Variants in ANKFN1 observed in about 807,000 individuals in gnomAD.
The protein encoded by ANKFN1 is ankyrin repeat and fibronectin type III domain containing 1, also known as ankyrin repeat and fibronectin type-III domain-containing protein 1.
ANKFN1 carries 74 observed loss-of-function variants against 108.7 expected under a neutral mutation model. The observed-to-expected ratio is 0.68, with a 90% CI of 0.56 to 0.83. The LOEUF (loss-of-function observed/expected upper bound fraction) is 0.83. Among genes scored for constraint, ANKFN1 ranks in the 40% least tolerant of loss-of-function variants. ANKFN1 has a pLI of 0.00. For synonymous variants in ANKFN1, 547 were observed against 516.2 expected (o/e 1.06, Z -0.81); for missense variants, 1,505 against 1,382.3 (o/e 1.09, Z -1.41).
chr17:56,205,539 G>C (rs936858103), intron 1 of ANKFN1, among the ~76,000 whole-genome samples: 1 of 152,100 alleles, frequency 6.6e-6, no homozygotes. Flanking sequence ...CTGACAGAAA[G>C]CTAAAATATT....
chr17:56,306,152 T>G (rs975512293), intron 3 of ANKFN1, among the ~76,000 whole-genome samples: 5 of 152,222 alleles, frequency 3.3e-5, no homozygotes, highest in Non-Finnish European at 7.3e-5. Context: ...GTTTGCCTTT[T>G]CAACTGTATT....
At chr17:56,170,291 G>A (rs909650557) in intron 1 of ANKFN1, among the ~76,000 whole-genome samples, 5 of 152,274 alleles carry the variant, frequency 3.3e-5, no homozygotes, top group East Asian at 1.9e-4. Flanking sequence ...TGCCCAGAGA[G>A]TAAGATAGAC....
intron 4 of ANKFN1, among the ~76,000 whole-genome samples, chr17:56,144,115 C>G (rs927618630): frequency 3.5e-5 from 5 of 144,070 alleles, no homozygotes; most frequent in African/African-American, 1.4e-4. Context: ...TTGGATCCCT[C>G]CAGCCTAGCA....
intron 6 of ANKFN1, among the ~76,000 whole-genome samples, chr17:56,358,780 G>GTTTCATACACTTT (rs1262731821): frequency 6.6e-6 from 1 of 152,128 alleles, no homozygotes; most frequent in Non-Finnish European, 1.5e-5. Flanking sequence ...GCCATGGACT[G>GTTTCATACACTTT]TTTCATACAC....
At chr17:56,207,484 A>C (rs1914633870) in intron 1 of ANKFN1, among the ~76,000 whole-genome samples, 1 of 152,166 alleles carries the variant, frequency 6.6e-6, no homozygotes, top group Admixed American at 6.5e-5. Flanking sequence ...ATCCTCTACC[A>C]TGTGCTTTTC....
At position 56,067,516 on chromosome 17, in the gene ANKFN1, C is replaced by T. The variant is rs563828174; in HGVS notation, c.288+21191C>T. The stretch of plus-strand genomic sequence containing the variant: ...AGTTTGGCCTCTCTCCTTCCCCTTC[C>T]CTAAGACCTAAGTCAAGAATCTCAG... On this transcript the variant is annotated intron_variant, in intron 4 of 12. Transcript: ENST00000635860. Among the ~76,000 whole-genome samples the T allele has an allele frequency of 2.1e-3, 314 of 152,228 alleles. 1 individual carries two copies. The highest frequency in any genetic ancestry group is 3.3e-3 in the Non-Finnish European group (226 of 68,020).
intron 2 of ANKFN1, among the ~76,000 whole-genome samples, chr17:56,222,696 A>C (rs1359688518): frequency 1.3e-5 from 2 of 152,210 alleles, no homozygotes; most frequent in Non-Finnish European, 2.9e-5. Flanking sequence ...GAGAAGAAAA[A>C]CTTGAAGAAA....
intron 4 of ANKFN1, among the ~76,000 whole-genome samples, chr17:56,059,370 A>C (rs572118463): frequency 6.6e-6 from 1 of 152,098 alleles, no homozygotes; most frequent in African/African-American, 2.4e-5. Flanking sequence ...ATGTTCTCCC[A>C]TTCTGTAGGT....
chr17:56,189,263 C>T (rs943119351), intron 1 of ANKFN1, among the ~76,000 whole-genome samples: 3 of 142,052 alleles, frequency 2.1e-5, no homozygotes, highest in Non-Finnish European at 3.0e-5. Flanking sequence ...CTCCGCCTCC[C>T]GGGTTCACGC....
chr17:56,345,741 T>C (rs2046082738), intron 4 of ANKFN1, among the ~76,000 whole-genome samples: 1 of 152,304 alleles, frequency 6.6e-6, no homozygotes, highest in East Asian at 1.9e-4. Flanking sequence ...ATGGGGTTGT[T>C]TTTTTCTTGT....
chr17:56,381,145 T>C (rs1177128267), intron 8 of ANKFN1, among the ~76,000 whole-genome samples: 1 of 152,238 alleles, frequency 6.6e-6, no homozygotes. Flanking sequence ...TCTGCTGTTC[T>C]GCAGCCACCG....
At chr17:56,234,382 T>C (rs949792801) in intron 3 of ANKFN1, among the ~76,000 whole-genome samples, 1 of 151,962 alleles carries the variant, frequency 6.6e-6, no homozygotes, top group African/African-American at 2.4e-5. Context: ...AACAGGTACA[T>C]GTGCAGGTTT....
At chr17:56,326,618 A>G (rs562588418) in intron 4 of ANKFN1, among the ~76,000 whole-genome samples, 2 of 152,350 alleles carry the variant, frequency 1.3e-5, no homozygotes, top group African/African-American at 4.8e-5. Flanking sequence ...TTTTGTTTGC[A>G]GTAAGCTTAA....
intron 4 of ANKFN1, among the ~76,000 whole-genome samples, chr17:56,138,823 T>G (rs1276804348): frequency 6.6e-6 from 1 of 152,116 alleles, no homozygotes; most frequent in East Asian, 1.9e-4. Flanking sequence ...AACACTCAAC[T>G]TCTATTTGGT....
chr17:56,380,393 G>A (rs570644236), intron 8 of ANKFN1, among the ~76,000 whole-genome samples: 1 of 152,318 alleles, frequency 6.6e-6, no homozygotes, highest in East Asian at 1.9e-4. Flanking sequence ...TCCATCTGAG[G>A]TACCGTGTTC....
At position 56,516,721 on chromosome 17, in the gene ANKFN1, A is replaced by G. The variant is rs577551320; in HGVS notation, c.*5452A>G. Among the ~76,000 whole-genome samples, 1 of 152,314 alleles carries G rather than the reference A, an allele frequency of 6.6e-6. No individual in the cohort carries two copies. Among genetic ancestry groups the G allele is most frequent in the South Asian group, 2.1e-4 (1 of 4,826 alleles). The stretch of plus-strand genomic sequence containing the variant: ...AAGAGGTCAGGGATAAATGAGAATT[A>G]AGTTAATTTTTCTAATGGCAAGTAT... On this transcript the variant is annotated 3_prime_UTR_variant, in exon 21 of 21. Coordinates refer to ENST00000682825, the MANE Select transcript of ANKFN1 (RefSeq NM_001370326.1).
chr17:56,069,475 C>CAG, intron 4 of ANKFN1, among the ~76,000 whole-genome samples: 1 of 152,160 alleles, frequency 6.6e-6, no homozygotes, highest in Non-Finnish European at 1.5e-5. Flanking sequence ...CTGGACATTC[C>CAG]TCCTAAGCAA....
intron 3 of ANKFN1, among the ~76,000 whole-genome samples, chr17:56,249,200 C>T (rs1357691949): frequency 1.3e-5 from 2 of 151,906 alleles, no homozygotes; most frequent in African/African-American, 2.4e-5. Flanking sequence ...TTTGGGAGGC[C>T]GAGGTGGGCA....
intron 3 of ANKFN1, among the ~76,000 whole-genome samples, chr17:56,318,239 TG>T (rs199992403): frequency 1.3e-5 from 2 of 151,700 alleles, no homozygotes; most frequent in Non-Finnish European, 2.9e-5. Context: ...TTAATGGTTC[TG>T]GGGGGGGTGT....
Sources: gnomAD v4.1 joint callset for allele counts (sites outside exome capture counted in the v4.1 genomes callset) on GRCh38, gnomAD v4.1.1 for gene constraint, MANE v1.5 for transcripts, NCBI Gene and HGNC (gene_info 2026-07-23, HGNC 2026-07-21) for gene names.